The following CSMD1 variants were observed in gnomAD, a reference collection of about 807,000 sequenced individuals.
CSMD1 encodes the protein CUB and sushi domain-containing protein 1.
In CSMD1, 213 loss-of-function variants were observed where a neutral mutation model predicts 417.5. That is an observed-to-expected ratio of 0.51 (90% confidence interval 0.46 to 0.57). The LOEUF is 0.57. Among genes scored for constraint, CSMD1 ranks in the 20% least tolerant of loss-of-function variants. CSMD1 has a pLI of 0.00. For synonymous variants in CSMD1, 2,862 were observed against 1,736.8 expected, an observed-to-expected ratio of 1.65 and a Z score of -16.11; for missense variants, 6,923 against 4,529.7, an observed-to-expected ratio of 1.53 and a Z score of -15.17.
intron 3 of CSMD1, among the ~76,000 whole-genome samples, chr8:4,170,511 T>C (rs1163409482): frequency 1.3e-5 from 2 of 151,900 alleles, no homozygotes; most frequent in Admixed American, 1.3e-4. Flanking sequence ...GAAATGTTAT[T>C]AAGTAGAGGT....
intron 3 of CSMD1, among the ~76,000 whole-genome samples, chr8:4,218,031 G>A (rs151268331): frequency 2.0e-4 from 30 of 152,292 alleles, no homozygotes; most frequent in Middle Eastern, 6.8e-3. Flanking sequence ...ATGCTTTACT[G>A]ATGGGTTTCT....
chr8:4,148,762 C>T (rs1280132685), intron 3 of CSMD1, among the ~76,000 whole-genome samples: 4 of 152,112 alleles, frequency 2.6e-5, no homozygotes, highest in Non-Finnish European at 5.9e-5. Context: ...CATCCTAATG[C>T]CATCACCCTG....
chr8:4,810,528 T>C (rs201278466), intron 1 of CSMD1, among the ~76,000 whole-genome samples: 1 of 133,124 alleles, frequency 7.5e-6, no homozygotes. Context: ...AAAATACACG[T>C]GTGTGTGTGT....
At position 4,057,059 on chromosome 8, in the gene CSMD1, G is replaced by T. The variant is rs374584948; in HGVS notation, c.416-24960C>A. On this transcript the variant is annotated intron_variant, in intron 3 of 69. Coordinates refer to ENST00000635120, the MANE Select transcript of CSMD1 (RefSeq NM_033225.6). Reference sequence around the variant, plus strand: ...CCTTTGGGTATGTACCCAGTAATGGGATGCCTGGGTCAAATGGTATTTGTA... The same window carrying T: ...CCTTTGGGTATGTACCCAGTAATGGTATGCCTGGGTCAAATGGTATTTGTA... Among the ~76,000 whole-genome samples, 143 of 152,296 alleles carry T rather than the reference G, an allele frequency of 9.4e-4. 2 individuals carry two copies. The South Asian group carries it at 0.029, about 31-fold the overall frequency.
At chr8:3,547,970 T>C (rs975943621) in intron 10 of CSMD1, among the ~76,000 whole-genome samples, 1 of 152,190 alleles carries the variant, frequency 6.6e-6, no homozygotes, top group African/African-American at 2.4e-5. Flanking sequence ...TTCAACCTAT[T>C]TGGATATGGT....
intron 26 of CSMD1, among the ~76,000 whole-genome samples, chr8:3,233,416 G>A (rs1320268499): frequency 6.6e-6 from 1 of 152,162 alleles, no homozygotes; most frequent in Non-Finnish European, 1.5e-5. Flanking sequence ...CTCGACCTTG[G>A]ACTTCTCAGC....
intron 3 of CSMD1, among the ~76,000 whole-genome samples, chr8:4,390,821 A>G (rs759763615): frequency 1.3e-5 from 2 of 152,112 alleles, no homozygotes; most frequent in Non-Finnish European, 2.9e-5. Context: ...GATTACAGAC[A>G]TGAGCCACCA....
intron 5 of CSMD1, among the ~76,000 whole-genome samples, chr8:3,826,078 A>G (rs1802038845): frequency 6.6e-6 from 1 of 152,150 alleles, no homozygotes; most frequent in Non-Finnish European, 1.5e-5. Flanking sequence ...TGTAACACCC[A>G]AGCTATACAC....
chr8:4,846,071 C>A (rs539006246), intron 1 of CSMD1, among the ~76,000 whole-genome samples: 3 of 152,160 alleles, frequency 2.0e-5, no homozygotes, highest in African/African-American at 7.2e-5. Context: ...TGTTGTGCTA[C>A]GTCCCAAATC....
At chr8:4,574,372 G>A (rs185748546) in intron 2 of CSMD1, among the ~76,000 whole-genome samples, 1 of 152,148 alleles carries the variant, frequency 6.6e-6, no homozygotes, top group African/African-American at 2.4e-5. Context: ...CCTTGGCTAG[G>A]AGAGGGGGTT....
chr8:3,419,785 A>C (rs562441848), intron 12 of CSMD1, among the ~76,000 whole-genome samples: 7 of 152,242 alleles, frequency 4.6e-5, no homozygotes, highest in Non-Finnish European at 1.0e-4. Flanking sequence ...AATCTTCATC[A>C]ATACAGTTTT....
chr8:4,589,866 A>G (rs759199165), intron 2 of CSMD1, among the ~76,000 whole-genome samples: 2 of 152,210 alleles, frequency 1.3e-5, no homozygotes, highest in Non-Finnish European at 2.9e-5. Flanking sequence ...TTCAGAATCT[A>G]TCAGGAGCCT....
At chr8:3,819,709 C>T (rs975917272) in intron 5 of CSMD1, among the ~76,000 whole-genome samples, 3 of 152,110 alleles carry the variant, frequency 2.0e-5, no homozygotes, top group Non-Finnish European at 1.5e-5. Context: ...ATCTCAGCCT[C>T]CTGGGGAACT....
chr8:4,551,734 G>C (rs79331457), intron 2 of CSMD1, among the ~76,000 whole-genome samples: 11,823 of 152,048 alleles, frequency 0.078, 603 homozygotes, highest in African/African-American at 0.15. Context: ...GTCCAGGCTG[G>C]AGTCCAGTGG....
At chr8:4,980,764 G>C (rs1810846073) in intron 1 of CSMD1, among the ~76,000 whole-genome samples, 1 of 152,088 alleles carries the variant, frequency 6.6e-6, no homozygotes, top group Admixed American at 6.5e-5. Flanking sequence ...AGTGAGCTGA[G>C]TGTGGTGGCA....
intron 2 of CSMD1, among the ~76,000 whole-genome samples, chr8:4,506,478 C>T (rs1466218571): frequency 6.6e-6 from 1 of 152,118 alleles, no homozygotes; most frequent in Non-Finnish European, 1.5e-5. Context: ...GGATCTGCAG[C>T]CCCTCTTCAT....
intron 3 of CSMD1, among the ~76,000 whole-genome samples, chr8:4,212,400 C>G (rs564835024): frequency 3.3e-5 from 5 of 152,208 alleles, no homozygotes; most frequent in East Asian, 3.9e-4. Flanking sequence ...GAAAGCCATA[C>G]TTTTCATGTT....
intron 1 of CSMD1, among the ~76,000 whole-genome samples, chr8:4,771,176 A>C (rs1796577749): frequency 6.6e-6 from 1 of 152,244 alleles, no homozygotes; most frequent in Non-Finnish European, 1.5e-5. Flanking sequence ...GAGAAGACTG[A>C]GGCCCAGAAA....
chr8:4,427,238 C>T lies in CSMD1; in HGVS notation c.303-7173G>A, dbSNP rs998348985. Among the ~76,000 whole-genome samples, 6 of 152,186 alleles carry T rather than the reference C, an allele frequency of 3.9e-5. No individual in the cohort carries two copies. In the East Asian group the frequency reaches 1.2e-3, roughly 29 times the overall value. Reference sequence around the variant, plus strand: ...GCCCAAGAGAGGCACACGCCGTGCCCTGAATGGTCCTCAGTCCAAGAGATC... The same window carrying T: ...GCCCAAGAGAGGCACACGCCGTGCCTTGAATGGTCCTCAGTCCAAGAGATC... On this transcript the variant is annotated intron_variant, in intron 2 of 69. Transcript: ENST00000635120.
Sources: gnomAD v4.1 joint callset for allele counts (sites outside exome capture counted in the v4.1 genomes callset) on GRCh38, gnomAD v4.1.1 for gene constraint, MANE v1.5 for transcripts, NCBI Gene and HGNC (gene_info 2026-07-23, HGNC 2026-07-21) for gene names.